Variants in NRXN1 observed in about 807,000 individuals in gnomAD.
NRXN1 encodes the protein neurexin 1.
In NRXN1, 39 loss-of-function variants were observed where a neutral mutation model predicts 150.9. The observed-to-expected ratio is 0.26, with a 90% CI of 0.20 to 0.34. NRXN1 has a LOEUF of 0.34. Ranked by LOEUF, NRXN1 falls within the 10% of genes least tolerant of loss-of-function variation. The pLI, the probability that NRXN1 is intolerant of heterozygous loss-of-function variation, is 1.00. For missense variants in NRXN1, 1,815 were observed against 1,949.9 expected (o/e 0.93, Z 1.30); for synonymous variants, 924 against 757.0 (o/e 1.22, Z -3.62).
At chr2:49,988,639 A>G (rs1461234268) in intron 21 of NRXN1, among the ~76,000 whole-genome samples, 1 of 134,614 alleles carries the variant, frequency 7.4e-6, no homozygotes, top group Non-Finnish European at 1.6e-5. Flanking sequence ...AAAAAAAAAA[A>G]GCCCTGAAGC....
intron 8 of NRXN1, among the ~76,000 whole-genome samples, chr2:50,556,141 A>G (rs991028439): frequency 1.3e-5 from 2 of 152,166 alleles, no homozygotes; most frequent in Non-Finnish European, 1.5e-5. Context: ...TACGGCTCTC[A>G]GATTTACACT....
chr2:51,010,365 T>C (rs1226052571), intron 2 of NRXN1, among the ~76,000 whole-genome samples: 2 of 152,062 alleles, frequency 1.3e-5, no homozygotes, highest in Non-Finnish European at 2.9e-5. Context: ...TATGTGTATG[T>C]ATTTGACATT....
chr2:50,070,096 C>T (rs1316471126), intron 19 of NRXN1, among the ~76,000 whole-genome samples: 8 of 151,876 alleles, frequency 5.3e-5, no homozygotes, highest in African/African-American at 9.7e-5. Flanking sequence ...GCGATCTGCC[C>T]GCCTTGGCCT....
At chr2:50,977,919 G>C (rs1696118943) in intron 2 of NRXN1, among the ~76,000 whole-genome samples, 1 of 151,636 alleles carries the variant, frequency 6.6e-6, no homozygotes, top group African/African-American at 2.4e-5. Context: ...ATAGCAATCT[G>C]AAACAACAAA....
intron 12 of NRXN1, among the ~76,000 whole-genome samples, chr2:50,517,531 C>T (rs547443871): frequency 4.6e-5 from 7 of 152,176 alleles, no homozygotes; most frequent in Admixed American, 3.3e-4. Flanking sequence ...ATAAAGAAAA[C>T]TCTGTCCTCC....
intron 17 of NRXN1, among the ~76,000 whole-genome samples, chr2:50,295,626 T>G (rs1300577380): frequency 6.6e-6 from 1 of 152,242 alleles, no homozygotes; most frequent in Non-Finnish European, 1.5e-5. Flanking sequence ...GGGCTCTGAA[T>G]TTTATTTTAT....
At chr2:50,528,232 G>A (rs2105184193) in intron 12 of NRXN1, among the ~76,000 whole-genome samples, 1 of 76,618 alleles carries the variant, frequency 1.3e-5, no homozygotes, top group African/African-American at 6.7e-5. Context: ...GAAGTAAGAG[G>A]AATTAAGTAT....
intron 5 of NRXN1, among the ~76,000 whole-genome samples, chr2:50,885,703 T>G (rs1433994276): frequency 6.6e-6 from 1 of 151,262 alleles, no homozygotes; most frequent in East Asian, 1.9e-4. Flanking sequence ...GAAAGATAAT[T>G]TATTCCACTT....
chr2:50,344,366 T>G (rs1558565424), intron 17 of NRXN1, among the ~76,000 whole-genome samples: 1 of 152,054 alleles, frequency 6.6e-6, no homozygotes, highest in Non-Finnish European at 1.5e-5. Context: ...GTTACTGACA[T>G]GTAAGTTTGC....
intron 5 of NRXN1, among the ~76,000 whole-genome samples, chr2:50,699,064 A>G (rs1693359543): frequency 6.6e-6 from 1 of 152,336 alleles, no homozygotes; most frequent in African/African-American, 2.4e-5. Flanking sequence ...CTCTAAAGAC[A>G]GAGACTGTCA....
At chr2:50,125,226 A>G (rs973886056) in intron 18 of NRXN1, among the ~76,000 whole-genome samples, 1 of 152,162 alleles carries the variant, frequency 6.6e-6, no homozygotes, top group East Asian at 1.9e-4. Flanking sequence ...TACATTACCT[A>G]TGAAATCACA....
rs373266638 is a variant in NRXN1 at position 49,964,308 on chromosome 2, C to T, written c.4129-20517G>A. Among the ~76,000 whole-genome samples the T allele has an allele frequency of 4.3e-4, 66 of 152,224 alleles. No individual in the cohort carries two copies. The South Asian group carries it at 7.9e-3, about 18-fold the overall frequency. ...CATCTTCCATATACTAAGAAGTCTT[C>T]GGTGGCTCATGCTGTAATCCCAGCA... On this transcript the variant is annotated intron_variant, in intron 21 of 22. Coordinates refer to ENST00000401669, the MANE Select transcript of NRXN1 (RefSeq NM_001330078.2).
chr2:50,736,812 A>G (rs1286414983), intron 5 of NRXN1, among the ~76,000 whole-genome samples: 2 of 152,188 alleles, frequency 1.3e-5, no homozygotes, highest in Admixed American at 6.5e-5. Context: ...AAAACGAACA[A>G]ATACAGATAT....
intron 5 of NRXN1, among the ~76,000 whole-genome samples, chr2:50,636,149 T>C (rs1476972193): frequency 1.3e-5 from 2 of 152,186 alleles, no homozygotes; most frequent in Non-Finnish European, 2.9e-5. Context: ...ATTGAAGTAT[T>C]GTAAATAGAA....
chr2:50,108,364 A>G (rs145852698), intron 18 of NRXN1, among the ~76,000 whole-genome samples: 97 of 152,136 alleles, frequency 6.4e-4, no homozygotes, highest in African/African-American at 2.2e-3. Flanking sequence ...TTATATAATA[A>G]CCGATTTTAG....
chr2:50,547,707 G>A (rs879741634), intron 9 of NRXN1, among the ~76,000 whole-genome samples: 8 of 152,164 alleles, frequency 5.3e-5, no homozygotes, highest in Admixed American at 3.3e-4. Flanking sequence ...CAGCACTGAA[G>A]TCATCCACTC....
intron 2 of NRXN1, among the ~76,000 whole-genome samples, chr2:50,969,813 T>C (rs1694728152): frequency 6.6e-6 from 1 of 152,052 alleles, no homozygotes; most frequent in Non-Finnish European, 1.5e-5. Context: ...GCAAAGTTGA[T>C]TAATTGGAGA....
At chr2:50,733,104 T>C (rs773776230) in intron 5 of NRXN1, among the ~76,000 whole-genome samples, 6 of 152,306 alleles carry the variant, frequency 3.9e-5, no homozygotes, top group African/African-American at 1.4e-4. Context: ...AAAAGGCTTC[T>C]ATTAAATATA....
chr2:50,530,463 T>C (rs550208806), intron 11 of NRXN1, among the ~76,000 whole-genome samples: 1 of 152,328 alleles, frequency 6.6e-6, no homozygotes, highest in Admixed American at 6.5e-5. Context: ...TAAAAACTGC[T>C]TAAACAAATT....
Sources: gnomAD v4.1 joint callset for allele counts (sites outside exome capture counted in the v4.1 genomes callset) on GRCh38, gnomAD v4.1.1 for gene constraint, MANE v1.5 for transcripts, NCBI Gene and HGNC (gene_info 2026-07-23, HGNC 2026-07-21) for gene names.